SV2C: variants seen among roughly 807,000 people sequenced by gnomAD.
SV2C encodes the protein synaptic vesicle glycoprotein 2C.
Under a neutral mutation model 79.7 loss-of-function variants are expected in SV2C, and 49 were observed. The observed-to-expected ratio is 0.61, with a 90% CI of 0.49 to 0.78. SV2C has a LOEUF of 0.78. Ranked by LOEUF, SV2C falls within the 30% of genes least tolerant of loss-of-function variation. The pLI, the probability that SV2C is intolerant of heterozygous loss-of-function variation, is 0.00. For missense variants in SV2C, 833 were observed against 912.9 expected (o/e 0.91, Z 1.13); for synonymous variants, 334 against 333.2 (o/e 1.00, Z -0.03).
intron 4 of SV2C, among the ~76,000 whole-genome samples, chr5:76,252,084 C>A (rs112764878): frequency 1.7e-3 from 255 of 152,260 alleles, no homozygotes; most frequent in African/African-American, 5.8e-3. Context: ...CTAGAGTATG[C>A]AAACTCACTG....
chr5:75,875,243 A>G, the SV2C span, among the ~76,000 whole-genome samples: 3 of 152,182 alleles, frequency 2.0e-5, no homozygotes, highest in Non-Finnish European at 4.4e-5. Flanking sequence ...ACATAGACCA[A>G]TAGAACAGAA....
the SV2C span, among the ~76,000 whole-genome samples, chr5:76,064,251 T>G: frequency 6.6e-6 from 1 of 152,062 alleles, no homozygotes; most frequent in Non-Finnish European, 1.5e-5. Flanking sequence ...AGATTCCAGA[T>G]CTCCAGATCC....
chr5:76,036,793 C>A, the SV2C span, among the ~76,000 whole-genome samples: 1 of 152,176 alleles, frequency 6.6e-6, no homozygotes, highest in Non-Finnish European at 1.5e-5. Context: ...TGTTGGCCTG[C>A]CTTGCTAGAT....
At chr5:75,874,204 C>T in the SV2C span, among the ~76,000 whole-genome samples, 1 of 152,134 alleles carries the variant, frequency 6.6e-6, no homozygotes, top group Non-Finnish European at 1.5e-5. Context: ...AGCTAATTCA[C>T]TATGATCAAG....
At chr5:75,959,135 T>C in the SV2C span, among the ~76,000 whole-genome samples, 4 of 152,114 alleles carry the variant, frequency 2.6e-5, no homozygotes, top group African/African-American at 9.6e-5. Flanking sequence ...CTGCTGATGA[T>C]GCAAGGATAA....
chr5:76,280,085 A>G (rs561575085), intron 4 of SV2C, among the ~76,000 whole-genome samples: 1 of 152,272 alleles, frequency 6.6e-6, no homozygotes, highest in East Asian at 1.9e-4. Flanking sequence ...ATAGGAAGTA[A>G]GGTCAAGTGC....
chr5:76,291,189 A>T (rs1321455910), intron 6 of SV2C, 32 bp from the exon 7 acceptor site: 3 of 1,533,790 alleles, frequency 2.0e-6, no homozygotes, highest in African/African-American at 1.4e-5. Flanking sequence ...CAGAGAAGGT[A>T]ACTTAGCGCT....
the SV2C span, among the ~76,000 whole-genome samples, chr5:75,937,411 C>T: frequency 1.3e-5 from 2 of 152,080 alleles, no homozygotes; most frequent in Admixed American, 6.5e-5. Flanking sequence ...TGTCAAAAAA[C>T]GAGCCCTGGC....
At chr5:76,182,758 T>C (rs1743776807) in intron 2 of SV2C, among the ~76,000 whole-genome samples, 1 of 152,102 alleles carries the variant, frequency 6.6e-6, no homozygotes, top group Non-Finnish European at 1.5e-5. Context: ...AAGAAATACC[T>C]GAGACTGGGT....
the SV2C span, among the ~76,000 whole-genome samples, chr5:76,038,161 G>C: frequency 4.7e-3 from 717 of 152,346 alleles, 6 homozygotes; most frequent in African/African-American, 0.016. Flanking sequence ...CTAGTGAGAT[G>C]AACCCGGTAC....
At chr5:76,288,575 C>G (rs995192809) in intron 6 of SV2C, among the ~76,000 whole-genome samples, 2 of 152,138 alleles carry the variant, frequency 1.3e-5, no homozygotes, top group African/African-American at 2.4e-5. Flanking sequence ...AAGAAAAACC[C>G]TTTATTTACC....
the SV2C span, among the ~76,000 whole-genome samples, chr5:76,018,164 C>T: frequency 1.3e-5 from 2 of 152,136 alleles, no homozygotes; most frequent in South Asian, 4.1e-4. Context: ...CCCCATGATT[C>T]TGAAGCCATT....
chr5:76,169,322 G>A (rs1033700633), intron 2 of SV2C, among the ~76,000 whole-genome samples: 7 of 152,144 alleles, frequency 4.6e-5, no homozygotes, highest in Non-Finnish European at 7.3e-5. Flanking sequence ...CTGATGTGAC[G>A]AGATGGGCTC....
At chr5:75,899,601 G>T in the SV2C span, among the ~76,000 whole-genome samples, 13 of 152,172 alleles carry the variant, frequency 8.5e-5, no homozygotes, top group African/African-American at 2.9e-4. Flanking sequence ...GCAGAGCTGA[G>T]TTCAATTCCT....
the SV2C span, among the ~76,000 whole-genome samples, chr5:75,998,236 A>G: frequency 6.6e-6 from 1 of 152,164 alleles, no homozygotes; most frequent in Non-Finnish European, 1.5e-5. Context: ...GATATACCTG[A>G]TGTTAAATGA....
chr5:76,048,961 A>AAG, the SV2C span, among the ~76,000 whole-genome samples: 634 of 120,860 alleles, frequency 5.2e-3, 9 homozygotes, highest in African/African-American at 0.017. Flanking sequence ...GAGAGAAAGA[A>AAG]AAAGAGAAAG....
At chr5:75,972,510 G>C in the SV2C span, among the ~76,000 whole-genome samples, 2 of 152,038 alleles carry the variant, frequency 1.3e-5, no homozygotes, top group Non-Finnish European at 2.9e-5. Context: ...ATCAAAAACT[G>C]GGCGAAGGAT....
chr5:75,934,709 C>A, the SV2C span, among the ~76,000 whole-genome samples: 3 of 152,070 alleles, frequency 2.0e-5, no homozygotes, highest in Non-Finnish European at 4.4e-5. Context: ...TCACTGCCTT[C>A]TTATTAATTT....
At chr5:76,095,897 G>T (rs912227071) in intron 1 of SV2C, among the ~76,000 whole-genome samples, 1 of 152,044 alleles carries the variant, frequency 6.6e-6, no homozygotes, top group Non-Finnish European at 1.5e-5. Flanking sequence ...TTTTCTTTGG[G>T]TCTACTCATT....
Sources: allele counts gnomAD v4.1 joint callset (sites outside exome capture counted in the v4.1 genomes callset), GRCh38; gene constraint gnomAD v4.1.1; transcripts MANE v1.5; gene names NCBI Gene and HGNC (gene_info 2026-07-23, HGNC 2026-07-21).